PIK3CD: variants seen among roughly 807,000 people sequenced by gnomAD.
The protein encoded by PIK3CD is phosphatidylinositol-4,5-bisphosphate 3-kinase catalytic subunit delta.
Under a neutral mutation model 122.9 loss-of-function variants are expected in PIK3CD, and 20 were observed. The observed-to-expected ratio is 0.16, with a 90% CI of 0.11 to 0.24. The LOEUF (loss-of-function observed/expected upper bound fraction) is 0.24, where lower values mean the gene tolerates loss of function less well. Ranked by LOEUF, PIK3CD falls within the 10% of genes least tolerant of loss-of-function variation. The probability of loss-of-function intolerance (pLI) is 1.00; values close to 1 mark genes in which losing one functional copy is unlikely to be tolerated. For missense variants in PIK3CD, 787 were observed against 1,406.3 expected (o/e 0.56, Z 7.04); for synonymous variants, 596 against 593.4 (o/e 1.00, Z -0.06).
intron 1 of PIK3CD, among the ~76,000 whole-genome samples, chr1:9,678,349 G>A (rs896224016): frequency 9.2e-5 from 14 of 152,126 alleles, no homozygotes; most frequent in South Asian, 2.1e-4. Context: ...CCAGCTGCTC[G>A]AGAGGCTGAG....
the PIK3CD span, among the ~76,000 whole-genome samples, chr1:9,646,616 C>T: frequency 1.3e-5 from 2 of 152,164 alleles, no homozygotes; most frequent in Non-Finnish European, 2.9e-5. Flanking sequence ...TAAGCGTTGT[C>T]TCCAGTAAAG....
chr1:9,720,182 C>T lies in PIK3CD; in HGVS notation c.1410C>T (p.Ala470=). 3.1e-6 allele frequency: 5 copies of T among 1,612,370 alleles called. No homozygotes were observed. The highest frequency in any genetic ancestry group is 4.2e-6 in the Non-Finnish European group (5 of 1,179,440). The change falls in exon 11 of 24, where the codon GCC becomes GCT. Residue 470 remains alanine, a synonymous_variant. Coordinates refer to ENST00000377346, the MANE Select transcript of PIK3CD (RefSeq NM_005026.5). The surrounding 1 kb of genome is among the most constrained non-coding windows in gnomAD (Gnocchi z 9.0). ...ACCCCAACACGGATAGCGCCGCTGC[C>T]CTGCTCATCTGCCTGCCCGAGGTGG... ...RSNPNTDSAA[A]LLICLPEVAP...
Position 9,723,880 on chromosome 1 carries a change from G to T in PIK3CD, c.2595-89G>T. Reference sequence around the variant, plus strand: ...TTGGTCAAAGCAAGTCACAGGGCCAGATTCAAGGGGAGAGGGAGTAATAAC... The same window carrying T: ...TTGGTCAAAGCAAGTCACAGGGCCATATTCAAGGGGAGAGGGAGTAATAAC... On this transcript the variant is annotated intron_variant, in intron 20 of 23. Transcript: ENST00000377346. The surrounding 1 kb of genome is among the most constrained non-coding windows in gnomAD (Gnocchi z 4.9). 1 of 1,227,958 alleles carries T rather than the reference G, an allele frequency of 8.1e-7. No individual in the cohort carries two copies. The highest frequency in any genetic ancestry group is 1.9e-5 in the Admixed American group (1 of 53,042). The allele number at this position is 1,227,958 out of a possible 1,614,324, so 76.1% of individuals were successfully genotyped here.
chr1:9,707,007 C>G (rs1646859723), intron 2 of PIK3CD, among the ~76,000 whole-genome samples: 1 of 147,582 alleles, frequency 6.8e-6, no homozygotes, highest in Non-Finnish European at 1.5e-5. Context: ...GAGATGGGCT[C>G]TCACTATGTT....
Position 9,722,523 on chromosome 1 carries a change from C to T in PIK3CD, c.2348-5C>T. The T allele has an allele frequency of 6.2e-7, 1 of 1,611,926 alleles. No individual in the cohort carries two copies. Among genetic ancestry groups the T allele is most frequent in the Non-Finnish European group, 8.5e-7 (1 of 1,178,494 alleles). On this transcript the variant is annotated splice_region_variant and splice_polypyrimidine_tract_variant and intron_variant, in intron 18 of 23. Transcript: ENST00000377346. The surrounding 1 kb of genome is among the most constrained non-coding windows in gnomAD (Gnocchi z 7.6). ...CGCTTCTCCTCCCACCGGCCGGTGG[C>T]ACAGACCTCCGGCAGGACATGCTGA... is the stretch of plus-strand genomic sequence containing the variant.
chr1:9,636,403 A>G, the PIK3CD span, among the ~76,000 whole-genome samples: 1 of 152,228 alleles, frequency 6.6e-6, no homozygotes, highest in South Asian at 2.1e-4. Flanking sequence ...CATGTTGGCC[A>G]GGCTGGTCTT....
intron 1 of PIK3CD, among the ~76,000 whole-genome samples, chr1:9,661,636 G>A (rs920045798): frequency 6.6e-6 from 1 of 152,022 alleles, no homozygotes; most frequent in Non-Finnish European, 1.5e-5. Flanking sequence ...CAAGGCGGGT[G>A]GATCACTTAG....
intron 6 of PIK3CD, 28 bp downstream of exon 6, chr1:9,716,647 T>C (rs530320313): frequency 6.5e-7 from 1 of 1,547,778 alleles, no homozygotes; most frequent in African/African-American, 1.4e-5. Flanking sequence ...CTCTGCACTC[T>C]GGGCTCCCAA....
Position 9,723,391 on chromosome 1 carries a change from G to T in PIK3CD, c.2594+99G>T. 1 of 1,292,950 alleles carries T rather than the reference G, an allele frequency of 7.7e-7. No homozygotes were observed. Among genetic ancestry groups the T allele is most frequent in the South Asian group, 1.2e-5 (1 of 83,502 alleles). 80.1% of individuals were successfully genotyped at this position (1,292,950 alleles called of 1,614,324 possible). A position where few individuals can be genotyped will look rare whatever the true frequency, so the allele number is the denominator to read the frequency against. On this transcript the variant is annotated intron_variant, in intron 20 of 23. Transcript: ENST00000377346. The surrounding 1 kb of genome is among the most constrained non-coding windows in gnomAD (Gnocchi z 4.9). ...AACAAAGGAGCGGGGAGGGGCCTCAGACCATCTTTGTGGCTACTTGGCTCA... is the reference window on the plus strand; with the variant it reads ...AACAAAGGAGCGGGGAGGGGCCTCATACCATCTTTGTGGCTACTTGGCTCA...
intron 1 of PIK3CD, among the ~76,000 whole-genome samples, chr1:9,673,067 C>T (rs916812950): frequency 6.6e-6 from 1 of 151,096 alleles, no homozygotes; most frequent in Non-Finnish European, 1.5e-5. Context: ...ATGAGGCGTA[C>T]ATGCAACGTA....
chr1:9,661,073 T>C (rs550439397), intron 1 of PIK3CD, among the ~76,000 whole-genome samples: 1 of 152,212 alleles, frequency 6.6e-6, no homozygotes, highest in East Asian at 1.9e-4. Flanking sequence ...TAGCTGGGAT[T>C]ACAGGCATGC....
chr1:9,716,000 G>A lies in PIK3CD; in HGVS notation c.522G>A (p.Ser174=), dbSNP rs372837939. The change falls in exon 5 of 24, where the codon TCG becomes TCA. Residue 174 remains serine, a synonymous_variant. Transcript: ENST00000377346. This position sits in a 1 kb window ranked among gnomAD's most constrained non-coding sequence, Gnocchi z 4.1. ...QYSFPLQLEP[S]AQTWGPGTLR... ...GTTTCCCCCTGCAGCTGGAGCCCTC[G>A]GCTCAAACCTGGGGGCCTGGTACCC... 6.2e-5 allele frequency: 100 copies of A among 1,612,472 alleles called. No homozygotes were observed. Among genetic ancestry groups the A allele is most frequent in the East Asian group, 2.5e-4 (11 of 44,894 alleles).
chr1:9,726,864 G>C (rs1649730509), intron 23 of PIK3CD, 45 bp from the exon 24 acceptor site: 1 of 1,612,958 alleles, frequency 6.2e-7, no homozygotes, highest in Non-Finnish European at 8.5e-7. Flanking sequence ...CCCAGAGCAA[G>C]GTCCGGGCCC....
chr1:9,676,435 T>G (rs1430901112), intron 1 of PIK3CD, among the ~76,000 whole-genome samples: 1 of 152,158 alleles, frequency 6.6e-6, no homozygotes, highest in Non-Finnish European at 1.5e-5. Context: ...ACAGCAAGAG[T>G]GGGCAGAAGG....
At position 9,727,714 on chromosome 1, in the gene PIK3CD, T is replaced by C. The variant is rs1649892486; in HGVS notation, c.*668T>C. 4.7e-6 allele frequency: 1 copy of C among 212,518 alleles called. No individual in the cohort carries two copies. The allele number at this position is 212,518 out of a possible 1,614,324, so 13.2% of individuals were successfully genotyped here. A position where few individuals can be genotyped will look rare whatever the true frequency, so the allele number is the denominator to read the frequency against. On this transcript the variant is annotated 3_prime_UTR_variant, in exon 24 of 24. Transcript: ENST00000377346. ...AGAATCTACGCTGGTCCTCAGGACG[T>C]GTTAAAGAGATCTGGGCCTCATGTA...
intron 1 of PIK3CD, among the ~76,000 whole-genome samples, chr1:9,685,217 A>C (rs1052814312): frequency 1.3e-5 from 2 of 152,116 alleles, no homozygotes; most frequent in African/African-American, 4.8e-5. Flanking sequence ...TATGTGAGTA[A>C]ATATGGAAAC....
intron 1 of PIK3CD, among the ~76,000 whole-genome samples, chr1:9,656,183 C>T (rs138766815): frequency 3.8e-3 from 574 of 152,084 alleles, no homozygotes; most frequent in Non-Finnish European, 6.7e-3. Context: ...AAGGGATAGA[C>T]CTATTTGGGA....
In PIK3CD at chr1:9,666,227, C is replaced by CTTT. The variant is rs573382597; in HGVS notation, c.-138+14454_-138+14456dup. On this transcript the variant is annotated intron_variant, in intron 1 of 23. Transcript: ENST00000377346. ...ACAGGCATGAGCCACCGCGCCCGGT[C>CTTT]TTTTTTTTTTTTTTTTTTTTTTTTT... Among the ~76,000 whole-genome samples, 299 of 44,206 alleles carry CTTT rather than the reference C, an allele frequency of 6.8e-3. 59 individuals are homozygous for CTTT. Among genetic ancestry groups the CTTT allele is most frequent in the Non-Finnish European group, 8.9e-3 (235 of 26,386 alleles). 29.0% of individuals were successfully genotyped at this position (44,206 alleles called of 152,430 possible). A position where few individuals can be genotyped will look rare whatever the true frequency, so the allele number is the denominator to read the frequency against.
At position 9,723,290 on chromosome 1, in the gene PIK3CD, G is replaced by C; in HGVS notation, c.2592G>C (p.Pro864=). Residue 864 remains proline, a splice_region_variant and synonymous_variant, in exon 20 of 24, where the codon CCG becomes CCC. Coordinates refer to ENST00000377346, the MANE Select transcript of PIK3CD (RefSeq NM_005026.5). This position sits in a 1 kb window ranked among gnomAD's most constrained non-coding sequence, Gnocchi z 4.9. ...ALLNWLKSKN[P]GEALDRAIEE... ...TCAACTGGCTGAAGTCCAAGAACCC[G>C]GGGTGGGTTTCAGGCCCAGGGATAG... 1.2e-6 allele frequency: 2 copies of C among 1,613,894 alleles called. No homozygotes were observed. The highest frequency in any genetic ancestry group is 2.2e-5 in the South Asian group (2 of 91,078).
Sources: gnomAD v4.1 joint callset for allele counts (sites outside exome capture counted in the v4.1 genomes callset) on GRCh38, gnomAD v4.1.1 for gene constraint, Gnocchi (gnomAD v3.1) non-coding constraint, MANE v1.5 for transcripts, NCBI Gene and HGNC (gene_info 2026-07-23, HGNC 2026-07-21) for gene names.